Variants in OTUD7B observed in about 807,000 individuals in gnomAD.
OTUD7B encodes the protein OTU deubiquitinase 7B.
In OTUD7B, 34 loss-of-function variants were observed where a neutral mutation model predicts 82.2. The ratio of observed to expected loss-of-function variants is 0.41; its 90% CI spans 0.31 to 0.55. The LOEUF is 0.55. OTUD7B is among the 20% of genes least tolerant of loss of function. The pLI is 0.20. For synonymous variants in OTUD7B, 398 were observed against 402.7 expected, an observed-to-expected ratio of 0.99 and a Z score of 0.14; for missense variants, 944 against 1,062.1, an observed-to-expected ratio of 0.89 and a Z score of 1.55.
At chr1:149,960,218 C>G (rs1649041791) in intron 6 of OTUD7B, among the ~76,000 whole-genome samples, 1 of 151,848 alleles carries the variant, frequency 6.6e-6, no homozygotes, top group South Asian at 2.1e-4. Context: ...CTTTCTATTC[C>G]TCTAAATTCT....
intron 11 of OTUD7B, 104 bp downstream of exon 11, chr1:149,947,147 C>T (rs1324364036): frequency 2.3e-5 from 14 of 617,346 alleles, no homozygotes; most frequent in Non-Finnish European, 3.6e-5. Flanking sequence ...AATTGTAAGC[C>T]ACCACTCAGA....
chr1:149,960,021 C>A (rs1649023881), intron 6 of OTUD7B, among the ~76,000 whole-genome samples: 1 of 152,130 alleles, frequency 6.6e-6, no homozygotes, highest in African/African-American at 2.4e-5. Flanking sequence ...TGACCTACTG[C>A]AATCTGTCCC....
intron 1 of OTUD7B, among the ~76,000 whole-genome samples, chr1:149,983,856 A>G (rs1650954647): frequency 6.6e-6 from 1 of 152,220 alleles, no homozygotes; most frequent in South Asian, 2.1e-4. Context: ...AAATTCTTGC[A>G]AAATAGCGCT....
At chr1:149,963,712 G>A (rs587678610) in intron 6 of OTUD7B, 1 of 154,458 alleles carries the variant, frequency 6.5e-6, no homozygotes, top group Non-Finnish European at 1.4e-5. Flanking sequence ...AAATAGGTAT[G>A]CTTTTTGTGT....
chr1:149,949,181 T>C (rs782271097), intron 9 of OTUD7B, 98 bp from the exon 10 acceptor site: 2 of 724,234 alleles, frequency 2.8e-6, no homozygotes, highest in African/African-American at 1.8e-5. Context: ...GGTCTTTAAT[T>C]GTAGTCACTT....
At chr1:150,013,937 A>AAAAT (rs1343558056), upstream of OTUD7B, among the ~76,000 whole-genome samples, 4,711 of 81,782 alleles carry the variant, frequency 0.058, 499 homozygotes, top group Non-Finnish European at 0.069. Context: ...AAAAAAAAAT[A>AAAAT]ATATATATAT....
rs371046153 is a variant in OTUD7B, at chr1:149,939,580, C to A, written c.*4277G>T. The A allele has an allele frequency of 7.9e-5, 12 of 152,300 alleles. No homozygotes were observed. The highest frequency in any genetic ancestry group is 2.4e-4 in the African/African-American group (10 of 41,540). 9.4% of individuals were successfully genotyped at this position (152,300 alleles called of 1,614,324 possible). A position where few individuals can be genotyped will look rare whatever the true frequency, so the allele number is the denominator to read the frequency against. ...GTGATTCCAGGCCGGGAAGGGGCTT[C>A]TAATTCTGTCTTCTCACCTGTGGCT... On this transcript the variant is annotated 3_prime_UTR_variant, in exon 12 of 12. Transcript: ENST00000581312.
chr1:149,969,992 A>G (rs1293324139), intron 3 of OTUD7B, among the ~76,000 whole-genome samples: 1 of 152,014 alleles, frequency 6.6e-6, no homozygotes, highest in Admixed American at 6.6e-5. Flanking sequence ...GTGAGCCATC[A>G]TGCCCAGCCC....
the OTUD7B span, among the ~76,000 whole-genome samples, chr1:150,018,117 C>T: frequency 1.3e-5 from 2 of 152,216 alleles, no homozygotes; most frequent in East Asian, 1.9e-4. Flanking sequence ...GTCACCATTA[C>T]GTAGGTAACC....
At chr1:149,970,986 A>C in intron 3 of OTUD7B, 77 bp downstream of exon 3, 2 of 1,294,406 alleles carry the variant, frequency 1.5e-6, no homozygotes, top group Non-Finnish European at 2.1e-6. Flanking sequence ...CCAATGGATC[A>C]CTAGACTTTA....
the OTUD7B span, among the ~76,000 whole-genome samples, chr1:150,018,458 GCT>G: frequency 6.6e-6 from 1 of 152,166 alleles, no homozygotes; most frequent in Non-Finnish European, 1.5e-5. Context: ...ACAAGTGGCA[GCT>G]CTCCTCTTAC....
chr1:150,045,452 C>T, the OTUD7B span, among the ~76,000 whole-genome samples: 1 of 113,530 alleles, frequency 8.8e-6, no homozygotes, highest in Non-Finnish European at 1.9e-5. Context: ...GCTAAGCGTG[C>T]GCCCTACCAC....
chr1:149,984,759 T>C (rs782139222), intron 1 of OTUD7B, among the ~76,000 whole-genome samples: 5 of 152,328 alleles, frequency 3.3e-5, no homozygotes, highest in South Asian at 2.1e-4. Flanking sequence ...GTACTGCCTA[T>C]TGTAGCAAAT....
intron 7 of OTUD7B, among the ~76,000 whole-genome samples, chr1:149,956,252 T>C (rs1648656744): frequency 6.6e-6 from 1 of 152,196 alleles, no homozygotes; most frequent in Non-Finnish European, 1.5e-5. Context: ...TCTCTCAGCA[T>C]TTGCGTGTCT....
At chr1:150,038,095 G>A in the OTUD7B span, among the ~76,000 whole-genome samples, 1 of 151,832 alleles carries the variant, frequency 6.6e-6, no homozygotes, top group Non-Finnish European at 1.5e-5. Context: ...CTGTGCTCAA[G>A]CAGTCCACCC....
At position 149,940,404 on chromosome 1, in the gene OTUD7B, T is replaced by G. The variant is rs782434227; in HGVS notation, c.*3453A>C. The G allele has an allele frequency of 1.9e-4, 29 of 152,286 alleles. No individual in the cohort carries two copies. The highest frequency in any genetic ancestry group is 7.0e-4 in the African/African-American group (29 of 41,530). 9.4% of individuals were successfully genotyped at this position (152,286 alleles called of 1,614,324 possible). A position where few individuals can be genotyped will look rare whatever the true frequency, so the allele number is the denominator to read the frequency against. The stretch of plus-strand genomic sequence containing the variant: ...AAAACTTCTGGTTAAATCTTGTAAC[T>G]TTCAATAAATGCAGCATAGGTTAAG... On this transcript the variant is annotated 3_prime_UTR_variant, in exon 12 of 12. Coordinates refer to ENST00000581312, the MANE Select transcript of OTUD7B (RefSeq NM_020205.4).
chr1:149,944,402 G>A lies in OTUD7B; in HGVS notation c.1987C>T (p.Pro663Ser), dbSNP rs981969685. The A allele has an allele frequency of 1.1e-5, 18 of 1,614,074 alleles. No individual in the cohort carries two copies. The highest frequency in any genetic ancestry group is 3.3e-4 in the Middle Eastern group (2 of 6,062). The change falls in exon 12 of 12, where the codon CCA becomes TCA. Residue 663 changes from proline (P) to serine (S), a missense_variant. Pro to Ser is a moderately conservative substitution (Grantham distance 74). Coordinates refer to ENST00000581312, the MANE Select transcript of OTUD7B (RefSeq NM_020205.4). ...GCATCTGGCTCTGGCTTTTTGGCTG[G>A]AGGAGGGCCACCCCCTATTCCTCCA... The part of the protein sequence containing the change: ...MNGGIGGGPP[P>S]AKKPEPDARE...
chr1:150,026,538 C>T, the OTUD7B span, among the ~76,000 whole-genome samples: 68 of 152,230 alleles, frequency 4.5e-4, 1 homozygote, highest in African/African-American at 1.4e-3. Context: ...ATAATACCTC[C>T]GTCTGCCTTA....
intron 10 of OTUD7B, among the ~76,000 whole-genome samples, chr1:149,947,923 T>G (rs782804569): frequency 2.6e-5 from 4 of 152,056 alleles, no homozygotes; most frequent in Non-Finnish European, 5.9e-5. Context: ...AACATATTTT[T>G]CTTGCTATTA....
Sources: allele counts gnomAD v4.1 joint callset (sites outside exome capture counted in the v4.1 genomes callset), GRCh38; gene constraint gnomAD v4.1.1; transcripts MANE v1.5; gene names NCBI Gene and HGNC (gene_info 2026-07-23, HGNC 2026-07-21).